SIL1: variants seen among roughly 807,000 people sequenced by gnomAD.
SIL1 encodes the protein SIL1 nucleotide exchange factor.
Under a neutral mutation model 49.1 loss-of-function variants are expected in SIL1, and 40 were observed. The ratio of observed to expected loss-of-function variants is 0.81; its 90% CI spans 0.63 to 1.06. The LOEUF (loss-of-function observed/expected upper bound fraction) is 1.06, where lower values mean the gene tolerates loss of function less well. SIL1 is among the 50% of genes least tolerant of loss of function. The pLI, the probability that SIL1 is intolerant of heterozygous loss-of-function variation, is 0.00. For synonymous variants in SIL1, 253 were observed against 250.8 expected, an observed-to-expected ratio of 1.01 and a Z score of -0.08; for missense variants, 500 against 572.6, an observed-to-expected ratio of 0.87 and a Z score of 1.29.
At chr5:139,032,346 T>C (rs943041486) in intron 5 of SIL1, among the ~76,000 whole-genome samples, 1 of 152,246 alleles carries the variant, frequency 6.6e-6, no homozygotes, top group Non-Finnish European at 1.5e-5. Context: ...TTCTTTAGCC[T>C]ACTGATATGT....
At chr5:138,957,624 G>A (rs1437855418) in intron 7 of SIL1, among the ~76,000 whole-genome samples, 1 of 151,980 alleles carries the variant, frequency 6.6e-6, no homozygotes, top group Non-Finnish European at 1.5e-5. Context: ...AAAGCTGCAA[G>A]AATAGTAAAT....
intron 3 of SIL1, among the ~76,000 whole-genome samples, chr5:139,081,366 T>C (rs778678104): frequency 6.6e-6 from 1 of 152,202 alleles, no homozygotes; most frequent in Non-Finnish European, 1.5e-5. Context: ...GCCATCCTCG[T>C]GCCTTAGCCT....
intron 7 of SIL1, among the ~76,000 whole-genome samples, chr5:138,981,664 G>A (rs568327248): frequency 6.6e-6 from 1 of 152,310 alleles, no homozygotes; most frequent in South Asian, 2.1e-4. Context: ...ATGATTCATG[G>A]ACAGAGAAAA....
At chr5:139,081,341 G>A (rs1436995524) in intron 3 of SIL1, among the ~76,000 whole-genome samples, 2 of 152,190 alleles carry the variant, frequency 1.3e-5, no homozygotes, top group Admixed American at 1.3e-4. Context: ...TGCAACTTCT[G>A]CCTTCTGGAC....
chr5:138,968,050 G>T (rs1238906604), intron 7 of SIL1, among the ~76,000 whole-genome samples: 1 of 152,118 alleles, frequency 6.6e-6, no homozygotes, highest in South Asian at 2.1e-4. Context: ...GAAGGGCCTG[G>T]CCACTGGGCT....
chr5:139,099,548 G>T (rs1454885629), intron 3 of SIL1, among the ~76,000 whole-genome samples: 1 of 151,946 alleles, frequency 6.6e-6, no homozygotes, highest in East Asian at 1.9e-4. Flanking sequence ...CAGATGAATG[G>T]ATTTTTAAAA....
chr5:139,035,444 T>G (rs1489213915), intron 5 of SIL1: 4 of 539,670 alleles, frequency 7.4e-6, no homozygotes, highest in Non-Finnish European at 1.5e-5. Flanking sequence ...TCAGGGCCTG[T>G]CTGTTCTGAA....
intron 7 of SIL1, among the ~76,000 whole-genome samples, chr5:138,990,953 T>G (rs1767743770): frequency 6.6e-6 from 1 of 152,250 alleles, no homozygotes; most frequent in South Asian, 2.1e-4. Context: ...CAGCCTCAGG[T>G]GATCCGCCTG....
chr5:139,019,042 T>A (rs1255296801), intron 7 of SIL1, among the ~76,000 whole-genome samples: 1 of 152,196 alleles, frequency 6.6e-6, no homozygotes, highest in Admixed American at 6.5e-5. Flanking sequence ...TTCATGCCCA[T>A]CAGCAGAAAA....
At position 139,114,981 on chromosome 5, in the gene SIL1, C is replaced by CA. The variant is rs536503557; in HGVS notation, c.244+6053dup. 1.7e-4 allele frequency among the ~76,000 whole-genome samples: 26 copies of CA among 152,322 alleles called. No individual in the cohort carries two copies. In the East Asian group the frequency reaches 5.0e-3, roughly 29 times the overall value. The stretch of plus-strand genomic sequence containing the variant: ...CTTTGATGAGCCGCAGGGGCTTAGG[C>CA]ATGAAGTGTCCTGAACCAACAACCT... On this transcript the variant is annotated intron_variant, in intron 3 of 9. Coordinates refer to ENST00000394817, the MANE Select transcript of SIL1 (RefSeq NM_022464.5).
intron 3 of SIL1, among the ~76,000 whole-genome samples, chr5:139,101,275 A>C (rs1770581894): frequency 6.6e-6 from 1 of 152,098 alleles, no homozygotes; most frequent in Non-Finnish European, 1.5e-5. Context: ...ACCTCTTTGC[A>C]AGCTGCTCCT....
At chr5:139,041,118 G>A (rs995967142) in intron 5 of SIL1, among the ~76,000 whole-genome samples, 1 of 152,194 alleles carries the variant, frequency 6.6e-6, no homozygotes, top group African/African-American at 2.4e-5. Context: ...TCCTCTGCTG[G>A]CCTCACCTGT....
At chr5:138,979,126 A>T (rs898002923) in intron 7 of SIL1, among the ~76,000 whole-genome samples, 1 of 151,338 alleles carries the variant, frequency 6.6e-6, no homozygotes, top group Non-Finnish European at 1.5e-5. Context: ...AGTGCAGTGC[A>T]TGATCTCGGC....
intron 6 of SIL1, among the ~76,000 whole-genome samples, chr5:139,026,275 G>A (rs1768647906): frequency 6.6e-6 from 1 of 152,072 alleles, no homozygotes; most frequent in Non-Finnish European, 1.5e-5. Context: ...GGTACCCTCA[G>A]AGGTACTAAA....
At position 139,091,496 on chromosome 5, in the gene SIL1, T is replaced by C. The variant is rs990907802; in HGVS notation, c.244+29539A>G. On this transcript the variant is annotated intron_variant, in intron 3 of 9. Coordinates refer to ENST00000394817, the MANE Select transcript of SIL1 (RefSeq NM_022464.5). ...TGCTCATCACATGACAAAGATAAAA[T>C]AAAACTACAGTAGAAAACTGCTTTC... Among the ~76,000 whole-genome samples the C allele has an allele frequency of 1.1e-4, 17 of 152,248 alleles. No individual in the cohort carries two copies. The South Asian group carries it at 1.7e-3, about 15-fold the overall frequency.
At chr5:138,971,051 G>A (rs1243980294) in intron 7 of SIL1, among the ~76,000 whole-genome samples, 1 of 152,204 alleles carries the variant, frequency 6.6e-6, no homozygotes, top group Non-Finnish European at 1.5e-5. Flanking sequence ...GCCCTAACTG[G>A]GAAGGGAACA....
intron 7 of SIL1, among the ~76,000 whole-genome samples, chr5:138,967,800 G>A (rs544654833): frequency 2.0e-5 from 3 of 150,356 alleles, no homozygotes; most frequent in East Asian, 1.9e-4. Context: ...GCTTTCCCCC[G>A]CCCCCAACAC....
At position 138,947,409 on chromosome 5, in the gene SIL1, C is replaced by A; in HGVS notation, c.1094G>T (p.Arg365Leu). The A allele has an allele frequency of 6.2e-7, 1 of 1,613,584 alleles. No homozygotes were observed. Among genetic ancestry groups the A allele is most frequent in the Middle Eastern group, 1.6e-4 (1 of 6,062 alleles). The stretch of plus-strand genomic sequence containing the variant: ...CAGGCCTGGCAGGAGGTGTACCTGG[C>A]GATACTGCTGCAGCTTCTCTGGGGA... ...EMSPEKLQQY[R>L]QVHLLPGLWE... Residue 365 changes from arginine (R) to leucine (L), a missense_variant, in exon 10 of 10, where the codon CGC (arginine) becomes CTC (leucine). Arg to Leu is a moderately radical substitution (Grantham distance 102, BLOSUM62 -2). Coordinates refer to ENST00000394817, the MANE Select transcript of SIL1 (RefSeq NM_022464.5). This position sits in a 1 kb window ranked among gnomAD's most constrained non-coding sequence, Gnocchi z 4.1.
At chr5:139,128,191 T>C (rs1750792740) in intron 1 of SIL1, 1 of 369,690 alleles carries the variant, frequency 2.7e-6, no homozygotes, top group Non-Finnish European at 5.3e-6. Context: ...AACCAACTGA[T>C]CTGCATGTGA....
Sources: gnomAD v4.1 joint callset for allele counts (sites outside exome capture counted in the v4.1 genomes callset) on GRCh38, gnomAD v4.1.1 for gene constraint, Gnocchi (gnomAD v3.1) non-coding constraint, MANE v1.5 for transcripts, NCBI Gene and HGNC (gene_info 2026-07-23, HGNC 2026-07-21) for gene names.